Variants in SKAP2 observed in about 807,000 individuals in gnomAD.
The protein encoded by SKAP2 is src kinase-associated phosphoprotein 2.
Under a neutral mutation model 54.9 loss-of-function variants are expected in SKAP2, and 28 were observed. The ratio of observed to expected loss-of-function variants is 0.51; its 90% CI spans 0.38 to 0.70. The LOEUF is 0.70. Ranked by LOEUF, SKAP2 falls within the 30% of genes least tolerant of loss-of-function variation. SKAP2 has a pLI of 0.00. For missense variants in SKAP2, 356 were observed against 424.1 expected, an observed-to-expected ratio of 0.84 and a Z score of 1.41; for synonymous variants, 137 against 134.3, an observed-to-expected ratio of 1.02 and a Z score of -0.14.
chr7:26,691,260 A>C (rs1299609765), intron 9 of SKAP2, among the ~76,000 whole-genome samples: 1 of 152,230 alleles, frequency 6.6e-6, no homozygotes, highest in Non-Finnish European at 1.5e-5. Context: ...TTAAATGAGA[A>C]GAGCTTTAAA....
intron 4 of SKAP2, among the ~76,000 whole-genome samples, chr7:26,810,783 G>A (rs928183145): frequency 3.9e-5 from 6 of 152,138 alleles, no homozygotes; most frequent in Non-Finnish European, 7.4e-5. Context: ...CCAGGTTCAA[G>A]CGATTCTCCT....
rs747746588 is a variant in SKAP2, at chr7:26,771,954, T to C, written c.308-31990A>G. 2.8e-4 allele frequency among the ~76,000 whole-genome samples: 42 copies of C among 152,192 alleles called. 1 individual carries two copies. Among genetic ancestry groups the C allele is most frequent in the Non-Finnish European group, 1.5e-4 (10 of 68,022 alleles). On this transcript the variant is annotated intron_variant, in intron 4 of 12. Coordinates refer to ENST00000345317, the MANE Select transcript of SKAP2 (RefSeq NM_003930.5). Reference sequence around the variant, plus strand: ...TGAGGGCAGGACCACTAAAGTTTTATTCATCTTCCTATTCCTATCGCCTGG... The same window carrying C: ...TGAGGGCAGGACCACTAAAGTTTTACTCATCTTCCTATTCCTATCGCCTGG...
At chr7:26,843,659 T>A (rs1286243814) in intron 4 of SKAP2, among the ~76,000 whole-genome samples, 6 of 151,802 alleles carry the variant, frequency 4.0e-5, no homozygotes, top group African/African-American at 1.4e-4. Context: ...CAGAAAAAAA[T>A]AGATCAAAAA....
At chr7:26,828,935 G>A (rs1370606996) in intron 4 of SKAP2, among the ~76,000 whole-genome samples, 2 of 151,686 alleles carry the variant, frequency 1.3e-5, no homozygotes, top group Admixed American at 6.6e-5. Flanking sequence ...GCTGAGGCAC[G>A]AGAATCACTG....
intron 7 of SKAP2, 109 bp from the exon 8 acceptor site, chr7:26,726,095 G>A: frequency 1.5e-6 from 1 of 680,222 alleles, no homozygotes; most frequent in South Asian, 2.0e-5. Context: ...CATGTCTAGT[G>A]GAACTTTTCT....
chr7:26,675,483 C>T (rs1429923725), intron 11 of SKAP2, among the ~76,000 whole-genome samples: 2 of 152,096 alleles, frequency 1.3e-5, no homozygotes, highest in Non-Finnish European at 2.9e-5. Flanking sequence ...TTTATTCCTT[C>T]AACTAAAATA....
chr7:26,739,066 G>T (rs1182149734), intron 5 of SKAP2, among the ~76,000 whole-genome samples, 188 bp from the exon 6 acceptor site: 3 of 152,102 alleles, frequency 2.0e-5, no homozygotes, highest in African/African-American at 7.2e-5. Flanking sequence ...AGTAGCTATG[G>T]GGCTGCCATA....
chr7:26,694,698 T>C (rs1209646661), intron 9 of SKAP2, among the ~76,000 whole-genome samples: 1 of 151,408 alleles, frequency 6.6e-6, no homozygotes, highest in African/African-American at 2.4e-5. Flanking sequence ...CTCTTTTTAA[T>C]AGATATTTGG....
rs1391885163 is a variant in SKAP2 at position 26,671,940 on chromosome 7, ACGTACTTAAC to A, written c.988-1758_988-1749del. 3.3e-5 allele frequency among the ~76,000 whole-genome samples: 5 copies of A among 152,168 alleles called. No homozygotes were observed. The East Asian group carries it at 7.7e-4, about 24-fold the overall frequency. The stretch of plus-strand genomic sequence containing the variant: ...TAAAGCCTAATGCTTAAAAAAACAC[ACGTACTTAAC>A]GTTCCACAGACTACTGTAAGATTTC... On this transcript the variant is annotated intron_variant, in intron 11 of 12. Coordinates refer to ENST00000345317, the MANE Select transcript of SKAP2 (RefSeq NM_003930.5).
At chr7:26,851,730 AAAAAAG>A (rs972529365) in intron 3 of SKAP2, among the ~76,000 whole-genome samples, 5 of 151,924 alleles carry the variant, frequency 3.3e-5, no homozygotes, top group African/African-American at 9.7e-5. Context: ...AAAAAAAAAA[AAAAAAG>A]AAATACCTCA....
Position 26,725,618 on chromosome 7 carries a change from T to G in SKAP2, c.659-53A>C, listed in dbSNP as rs1562588432. 5 of 1,455,888 alleles carry G rather than the reference T, an allele frequency of 3.4e-6. No individual in the cohort carries two copies. In the East Asian group the frequency reaches 1.2e-4, roughly 34 times the overall value. The allele number at this position is 1,455,888 out of a possible 1,614,324, so 90.2% of individuals were successfully genotyped here. On this transcript the variant is annotated intron_variant, in intron 8 of 12. Coordinates refer to ENST00000345317, the MANE Select transcript of SKAP2 (RefSeq NM_003930.5). ...TTTAAAAGAATGCAGAAGATATTTT[T>G]AAAACTATACTTTATAAATAAATGC...
intron 6 of SKAP2, among the ~76,000 whole-genome samples, chr7:26,737,890 A>G (rs1324715356): frequency 6.6e-6 from 1 of 152,222 alleles, no homozygotes; most frequent in Non-Finnish European, 1.5e-5. Context: ...TATTATTTCT[A>G]AATTAATGTA....
chr7:26,662,228 C>T (rs1199531973), downstream of SKAP2, among the ~76,000 whole-genome samples: 1 of 152,046 alleles, frequency 6.6e-6, no homozygotes, highest in South Asian at 2.1e-4. Context: ...TCTTTGCTTC[C>T]CCTCACACTT....
chr7:26,803,884 G>A lies in SKAP2; in HGVS notation c.307+40146C>T, dbSNP rs192390114. 2.9e-3 allele frequency among the ~76,000 whole-genome samples: 437 copies of A among 152,274 alleles called. 4 individuals are homozygous for A. Among genetic ancestry groups the A allele is most frequent in the African/African-American group, 0.01 (419 of 41,548 alleles). On this transcript the variant is annotated intron_variant, in intron 4 of 12. Transcript: ENST00000345317. Reference sequence around the variant, plus strand: ...AGCCAGGCACTGAAAGACAAACACTGCATGTTCTCACTTACTTGTGGGATC... The same window carrying A: ...AGCCAGGCACTGAAAGACAAACACTACATGTTCTCACTTACTTGTGGGATC...
Position 26,856,904 on chromosome 7 carries a change from G to A in SKAP2, c.68-2014C>T, listed in dbSNP as rs201572174. ...AACAATCTATTTTCTATCACTGGAA[G>A]TAATAACAATGAATTGCCCCCAAGA... On this transcript the variant is annotated intron_variant, in intron 1 of 12. Coordinates refer to ENST00000345317, the MANE Select transcript of SKAP2 (RefSeq NM_003930.5). Among the ~76,000 whole-genome samples the A allele has an allele frequency of 2.7e-5, 4 of 149,882 alleles. No homozygotes were observed. The South Asian group carries it at 6.5e-4, about 24-fold the overall frequency.
intron 4 of SKAP2, among the ~76,000 whole-genome samples, chr7:26,833,786 C>G (rs1338689419): frequency 6.6e-6 from 1 of 152,102 alleles, no homozygotes; most frequent in African/African-American, 2.4e-5. Context: ...AATATTAGAT[C>G]AACGAGACAG....
chr7:26,663,876 C>T (rs1786060565), downstream of SKAP2, among the ~76,000 whole-genome samples: 1 of 152,250 alleles, frequency 6.6e-6, no homozygotes, highest in East Asian at 1.9e-4. Flanking sequence ...GTCAAGTGTT[C>T]CTGCATAAAA....
intron 4 of SKAP2, among the ~76,000 whole-genome samples, chr7:26,835,427 T>C (rs371830475): frequency 1.3e-5 from 2 of 152,150 alleles, no homozygotes; most frequent in Admixed American, 1.3e-4. Flanking sequence ...GATGACATGA[T>C]TGTATATTTA....
chr7:26,765,148 CCTGA>C (rs373546979), intron 4 of SKAP2, among the ~76,000 whole-genome samples: 44,694 of 151,752 alleles, frequency 0.29, 6,789 homozygotes, highest in Non-Finnish European at 0.33. Context: ...TCTGTTGTTT[CCTGA>C]CTTTTTAATG....
Sources: allele counts gnomAD v4.1 joint callset (sites outside exome capture counted in the v4.1 genomes callset), GRCh38; gene constraint gnomAD v4.1.1; transcripts MANE v1.5; gene names NCBI Gene and HGNC (gene_info 2026-07-23, HGNC 2026-07-21).